NID1: variants seen among roughly 807,000 people sequenced by gnomAD.
NID1 encodes nidogen 1.
In NID1, 76 loss-of-function variants were observed where a neutral mutation model predicts 130.6. The observed-to-expected ratio is 0.58, with a 90% CI of 0.48 to 0.70. The LOEUF is 0.70. Among genes scored for constraint, NID1 ranks in the 30% least tolerant of loss-of-function variants. NID1 has a pLI of 0.00. For missense variants in NID1, 1,517 were observed against 1,664.8 expected (o/e 0.91, Z 1.54); for synonymous variants, 665 against 675.1 (o/e 0.98, Z 0.23).
In NID1 at chr1:236,005,185, A is replaced by G. The variant is rs181831088; in HGVS notation, c.2527+6736T>C. ...CTCAAGAAAACAAAAGCAAACAAAC[A>G]AAAAAATGTAAGCAGAGACCAGGTA... On this transcript the variant is annotated intron_variant, in intron 12 of 19. Transcript: ENST00000264187. 4.6e-3 allele frequency among the ~76,000 whole-genome samples: 693 copies of G among 152,238 alleles called. 16 individuals are homozygous for G. The highest frequency in any genetic ancestry group is 0.043 in the Admixed American group (661 of 15,280).
intron 12 of NID1, among the ~76,000 whole-genome samples, chr1:236,007,299 G>A (rs981421676): frequency 1.3e-5 from 2 of 152,114 alleles, no homozygotes; most frequent in African/African-American, 4.8e-5. Context: ...GACATTTAAT[G>A]CCTCTCTTTG....
chr1:236,045,085 G>A (rs1659558757), intron 3 of NID1, among the ~76,000 whole-genome samples: 2 of 151,836 alleles, frequency 1.3e-5, no homozygotes, highest in African/African-American at 2.4e-5. Flanking sequence ...TGTAATCCCA[G>A]CTACTTGGGA....
At chr1:236,033,364 A>G (rs966273352) in intron 5 of NID1, among the ~76,000 whole-genome samples, 2 of 152,296 alleles carry the variant, frequency 1.3e-5, no homozygotes, top group Admixed American at 6.5e-5. Flanking sequence ...TTGGGACAGC[A>G]AGGCTAACCT....
At chr1:235,978,930 A>C (rs1657349852) in intron 19 of NID1, 65 bp downstream of exon 19, 1 of 1,097,354 alleles carries the variant, frequency 9.1e-7, no homozygotes, top group Non-Finnish European at 1.4e-6. Flanking sequence ...GGTAGCAGCC[A>C]GAGTGTGGGC....
chr1:235,979,052 G>A lies in NID1; in HGVS notation c.3565C>T (p.Pro1189Ser), dbSNP rs772269222. The A allele has an allele frequency of 6.2e-7, 1 of 1,614,106 alleles. No homozygotes were observed. Among genetic ancestry groups the A allele is most frequent in the South Asian group, 1.1e-5 (1 of 91,076 alleles). The stretch of plus-strand genomic sequence containing the variant: ...CCATACAGCCGGGTCTGCTTGTGGG[G>A]TTGGAAAGCATCCGTCTCCTTGGAA... ...AISKETDAFQ[P>S]HKQTRLYGIT... Residue 1189 changes from proline (P) to serine (S), a missense_variant, in exon 19 of 20, where the codon CCC (proline) becomes TCC (serine). Pro to Ser is a moderately conservative substitution (Grantham distance 74, BLOSUM62 -1). This residue lies in a region of NID1 where 181 missense variants were observed against 211.3 expected (regional missense o/e 0.86). Transcript: ENST00000264187. The surrounding 1 kb of genome is among the most constrained non-coding windows in gnomAD (Gnocchi z 4.6).
chr1:236,005,540 AT>A (rs1346406697), intron 12 of NID1, among the ~76,000 whole-genome samples: 1 of 152,216 alleles, frequency 6.6e-6, no homozygotes, highest in Non-Finnish European at 1.5e-5. Flanking sequence ...ACATTTTGCT[AT>A]TTTTAAAACA....
intron 1 of NID1, among the ~76,000 whole-genome samples, chr1:236,059,486 G>T (rs1208376037): frequency 6.6e-6 from 1 of 152,228 alleles, no homozygotes; most frequent in East Asian, 1.9e-4. Flanking sequence ...ACCTAGTAAA[G>T]ATTAATACCA....
chr1:235,998,560 A>G (rs1657992816), intron 12 of NID1, among the ~76,000 whole-genome samples: 1 of 152,102 alleles, frequency 6.6e-6, no homozygotes, highest in African/African-American at 2.4e-5. Context: ...CTGTAATCCC[A>G]GCTACTCGGG....
intron 12 of NID1, among the ~76,000 whole-genome samples, chr1:236,005,114 A>C (rs1251007528): frequency 6.6e-6 from 1 of 152,116 alleles, no homozygotes. Context: ...TGGAGGTTGC[A>C]GTGAGCTGAG....
At chr1:236,061,436 A>T (rs1038201200) in intron 1 of NID1, among the ~76,000 whole-genome samples, 1 of 152,168 alleles carries the variant, frequency 6.6e-6, no homozygotes, top group Non-Finnish European at 1.5e-5. Context: ...TGAAAAATAC[A>T]GCTTCGTTTA....
At chr1:236,017,004 C>A in intron 10 of NID1, 144 bp downstream of exon 10, 1 of 1,026,812 alleles carries the variant, frequency 9.7e-7, no homozygotes, top group Non-Finnish European at 1.5e-6. Flanking sequence ...AGGGCAGAGG[C>A]TAAGTCTGAT....
Position 236,045,550 on chromosome 1 carries a change from G to T in NID1, c.659C>A (p.Ala220Glu). ...GAATCCCACTGAACCTTGACTGAAT[G>T]CAACCACGGCAGGAACTTGGTTGTT... ...KENNQVPAVV[A>E]FSQGSVGFLW... The change falls in exon 3 of 20, where the codon GCA (alanine) becomes GAA (glutamate). Residue 220 changes from alanine to glutamate, a missense_variant. Ala to Glu is a moderately radical substitution (Grantham distance 107). This residue lies in a region of NID1 where 1,329 missense variants were observed against 1,429.2 expected (regional missense o/e 0.93). Transcript: ENST00000264187. 1 of 1,614,098 alleles carries T rather than the reference G, an allele frequency of 6.2e-7. No individual in the cohort carries two copies. Among genetic ancestry groups the T allele is most frequent in the Non-Finnish European group, 8.5e-7 (1 of 1,179,992 alleles).
At chr1:236,055,709 C>T (rs573103768) in intron 1 of NID1, among the ~76,000 whole-genome samples, 1 of 151,862 alleles carries the variant, frequency 6.6e-6, no homozygotes, top group African/African-American at 2.4e-5. Context: ...ATCTGAAGTT[C>T]AGCAAAGAAA....
At chr1:236,052,758 CTGTGAGTGAG>C (rs931832426) in intron 1 of NID1, among the ~76,000 whole-genome samples, 3 of 152,186 alleles carry the variant, frequency 2.0e-5, no homozygotes, top group Non-Finnish European at 1.5e-5. Context: ...AACTGTCCGA[CTGTGAGTGAG>C]TGTGGGTGTG....
intron 12 of NID1, among the ~76,000 whole-genome samples, chr1:235,997,821 T>C (rs1169445080): frequency 6.6e-6 from 1 of 152,190 alleles, no homozygotes; most frequent in South Asian, 2.1e-4. Context: ...TTGGCCAGGC[T>C]GGTCTCGAAC....
chr1:235,998,912 C>T (rs998045457), intron 12 of NID1, among the ~76,000 whole-genome samples: 2 of 149,298 alleles, frequency 1.3e-5, no homozygotes, highest in African/African-American at 2.6e-5. Context: ...TGGTTGGTGG[C>T]TCAGAGACTC....
At chr1:236,033,257 A>G (rs11581180) in intron 5 of NID1, among the ~76,000 whole-genome samples, 34,263 of 152,116 alleles carry the variant, frequency 0.23, 4,115 homozygotes, top group Non-Finnish European at 0.27. Flanking sequence ...GCAGTGAGCC[A>G]AGATCATGCC....
At chr1:236,052,578 C>T (rs553294501) in intron 1 of NID1, among the ~76,000 whole-genome samples, 2 of 152,272 alleles carry the variant, frequency 1.3e-5, no homozygotes, top group South Asian at 2.1e-4. Flanking sequence ...TTGCATTCAA[C>T]GTTGTTTTGT....
intron 14 of NID1, among the ~76,000 whole-genome samples, chr1:235,987,731 A>G (rs1328510594): frequency 6.6e-6 from 1 of 152,208 alleles, no homozygotes; most frequent in East Asian, 1.9e-4. Flanking sequence ...GGCATTACGA[A>G]GCCAGGGAAG....
Sources: gnomAD v4.1 joint callset for allele counts (sites outside exome capture counted in the v4.1 genomes callset) on GRCh38, gnomAD v4.1.1 for gene constraint, gnomAD v4.1.1 regional missense constraint, Gnocchi (gnomAD v3.1) non-coding constraint, MANE v1.5 for transcripts, NCBI Gene and HGNC (gene_info 2026-07-23, HGNC 2026-07-21) for gene names.